The following ATG10 variants were observed in gnomAD, a reference collection of about 807,000 sequenced individuals.
ATG10 encodes ubiquitin-like-conjugating enzyme ATG10.
Under a neutral mutation model 32.1 loss-of-function variants are expected in ATG10, and 30 were observed. The ratio of observed to expected loss-of-function variants is 0.94; its 90% CI spans 0.70 to 1.27. The LOEUF (loss-of-function observed/expected upper bound fraction) is 1.27, where lower values mean the gene tolerates loss of function less well. Among genes scored for constraint, ATG10 ranks in the 50% most tolerant of loss-of-function variants. The pLI is 0.00. For synonymous variants in ATG10, 87 were observed against 91.5 expected (o/e 0.95, Z 0.28); for missense variants, 233 against 262.3 (o/e 0.89, Z 0.77).
rs548282482 is a variant in ATG10, at chr5:82,089,439, C to T, written c.216+30837C>T. The stretch of plus-strand genomic sequence containing the variant: ...CAGAAGTAAAGCCACATAAATGTGT[C>T]CAAATGATTTTTAACAAAAGTGCAA... On this transcript the variant is annotated intron_variant, in intron 3 of 7. Coordinates refer to ENST00000282185, the MANE Select transcript of ATG10 (RefSeq NM_031482.5). Among the ~76,000 whole-genome samples, 174 of 151,856 alleles carry T rather than the reference C, an allele frequency of 1.1e-3. 2 individuals carry two copies. Among genetic ancestry groups the T allele is most frequent in the Admixed American group, 2.2e-3 (34 of 15,246 alleles).
chr5:82,252,741 C>A, intron 6 of ATG10, 82 bp downstream of exon 6: 2 of 774,332 alleles, frequency 2.6e-6, no homozygotes, highest in African/African-American at 1.8e-5. Context: ...AAATGCTAGG[C>A]TAAAAAAGAA....
At chr5:81,983,279 G>A (rs1473915354) in intron 1 of ATG10, among the ~76,000 whole-genome samples, 37 of 144,400 alleles carry the variant, frequency 2.6e-4, no homozygotes, top group Non-Finnish European at 5.1e-4. Flanking sequence ...CTGGCTGGGC[G>A]GGGGGCTGAC....
At chr5:82,067,126 C>T (rs1763965108) in intron 3 of ATG10, among the ~76,000 whole-genome samples, 1 of 152,086 alleles carries the variant, frequency 6.6e-6, no homozygotes, top group Non-Finnish European at 1.5e-5. Context: ...TAGCAGACCC[C>T]AATCCCACTT....
At chr5:82,246,519 CTTA>C (rs1189104477) in intron 5 of ATG10, among the ~76,000 whole-genome samples, 1 of 109,902 alleles carries the variant, frequency 9.1e-6, no homozygotes, top group Admixed American at 1.1e-4. Context: ...GACTTTATCT[CTTA>C]AAAAAAAAAA....
At chr5:82,143,993 A>G (rs1767249999) in intron 3 of ATG10, among the ~76,000 whole-genome samples, 1 of 152,208 alleles carries the variant, frequency 6.6e-6, no homozygotes, top group Non-Finnish European at 1.5e-5. Flanking sequence ...GTTTTAAACT[A>G]CAGCCAACTT....
chr5:82,219,867 G>A (rs773096345), intron 5 of ATG10, among the ~76,000 whole-genome samples: 22 of 152,184 alleles, frequency 1.4e-4, no homozygotes, highest in Admixed American at 2.6e-4. Context: ...TATTAAAGGA[G>A]CACCTATTAT....
At position 82,190,611 on chromosome 5, in the gene ATG10, A is replaced by C. The variant is rs1744618140; in HGVS notation, c.453+12024A>C. Among the ~76,000 whole-genome samples, 3 of 151,716 alleles carry C rather than the reference A, an allele frequency of 2.0e-5. No individual in the cohort carries two copies. In the South Asian group the frequency reaches 6.3e-4, roughly 32 times the overall value. On this transcript the variant is annotated intron_variant, in intron 5 of 7. Coordinates refer to ENST00000282185, the MANE Select transcript of ATG10 (RefSeq NM_031482.5). Reference sequence around the variant, plus strand: ...CATGGTGAAACCCTGTCTCTACTAAAAATACAAAAATTAGCTGGGTGTGGT... The same window carrying C: ...CATGGTGAAACCCTGTCTCTACTAACAATACAAAAATTAGCTGGGTGTGGT...
At chr5:82,085,729 A>G (rs954445353) in intron 3 of ATG10, among the ~76,000 whole-genome samples, 2 of 152,150 alleles carry the variant, frequency 1.3e-5, no homozygotes, top group Non-Finnish European at 2.9e-5. Context: ...GTGTTATTCT[A>G]TTAAGTTAGT....
chr5:82,137,462 A>G (rs1766810325), intron 3 of ATG10, among the ~76,000 whole-genome samples: 1 of 152,178 alleles, frequency 6.6e-6, no homozygotes, highest in Non-Finnish European at 1.5e-5. Flanking sequence ...TCCTTCTAAC[A>G]GTCAAGCCCG....
Position 82,255,234 on chromosome 5 carries a change from G to A in ATG10, c.*1171G>A, listed in dbSNP as rs1390280560. On this transcript the variant is annotated 3_prime_UTR_variant, in exon 8 of 8. Transcript: ENST00000282185. ...TAACAAGCTACCTCATAGGGTTGCT[G>A]TGAGAACCACATGAGATCATTAATG... 1.3e-5 allele frequency: 2 copies of A among 152,118 alleles called. No homozygotes were observed. Among genetic ancestry groups the A allele is most frequent in the Non-Finnish European group, 2.9e-5 (2 of 68,030 alleles). The allele number at this position is 152,118 out of a possible 1,614,324, so 9.4% of individuals were successfully genotyped here.
intron 5 of ATG10, among the ~76,000 whole-genome samples, chr5:82,205,344 G>C (rs1745249913): frequency 6.6e-6 from 1 of 152,082 alleles, no homozygotes; most frequent in African/African-American, 2.4e-5. Flanking sequence ...TCTTGCAGAG[G>C]GACATGGAGG....
At chr5:82,015,349 A>G (rs1163312383) in intron 2 of ATG10, among the ~76,000 whole-genome samples, 1 of 152,018 alleles carries the variant, frequency 6.6e-6, no homozygotes, top group Non-Finnish European at 1.5e-5. Context: ...CATTCTCTGT[A>G]TTTCCTGAAT....
At chr5:82,214,757 G>A (rs1028257059) in intron 5 of ATG10, among the ~76,000 whole-genome samples, 5 of 152,162 alleles carry the variant, frequency 3.3e-5, no homozygotes, top group African/African-American at 1.2e-4. Context: ...CTCTTACGAG[G>A]TGGCAGCTAA....
intron 3 of ATG10, among the ~76,000 whole-genome samples, chr5:82,081,600 C>T (rs1764483414): frequency 6.6e-6 from 1 of 152,176 alleles, no homozygotes; most frequent in Non-Finnish European, 1.5e-5. Flanking sequence ...GCCTTTTCTG[C>T]ATCTATTGAG....
At chr5:82,238,512 C>A (rs34756467) in intron 5 of ATG10, among the ~76,000 whole-genome samples, 3,585 of 152,172 alleles carry the variant, frequency 0.024, 73 homozygotes, top group Non-Finnish European at 0.04. Flanking sequence ...GGACTGTAAA[C>A]CCCATGAATT....
At chr5:81,999,285 G>A (rs1349009777) in intron 2 of ATG10, among the ~76,000 whole-genome samples, 3 of 152,162 alleles carry the variant, frequency 2.0e-5, no homozygotes, top group African/African-American at 7.2e-5. Context: ...CTGAATGACT[G>A]GGTAAATAAT....
chr5:82,006,878 A>T (rs1761998823), intron 2 of ATG10, among the ~76,000 whole-genome samples: 1 of 152,106 alleles, frequency 6.6e-6, no homozygotes, highest in African/African-American at 2.4e-5. Flanking sequence ...TTTTTGAGAC[A>T]GAGTCTCGCT....
At chr5:82,204,608 A>T (rs1294523494) in intron 5 of ATG10, among the ~76,000 whole-genome samples, 1 of 152,178 alleles carries the variant, frequency 6.6e-6, no homozygotes, top group Non-Finnish European at 1.5e-5. Context: ...AGGAGAGATG[A>T]GTTAAGAGGG....
At chr5:81,977,341 G>C (rs1760899946) in intron 1 of ATG10, among the ~76,000 whole-genome samples, 1 of 152,158 alleles carries the variant, frequency 6.6e-6, no homozygotes. Context: ...CTCAAAGGGA[G>C]CTCTACTGGC....
Sources: allele counts gnomAD v4.1 joint callset (sites outside exome capture counted in the v4.1 genomes callset), GRCh38; gene constraint gnomAD v4.1.1; transcripts MANE v1.5; gene names NCBI Gene and HGNC (gene_info 2026-07-23, HGNC 2026-07-21).